FXYD6: variants seen among roughly 807,000 people sequenced by gnomAD.
The protein encoded by FXYD6 is FXYD domain containing ion transport regulator 6, also known as FXYD domain-containing ion transport regulator 6.
FXYD6 carries 7 observed loss-of-function variants against 16.7 expected under a neutral mutation model. The ratio of observed to expected loss-of-function variants is 0.42; its 90% CI spans 0.24 to 0.79. FXYD6 has a LOEUF of 0.79. Ranked by LOEUF, FXYD6 falls within the 30% of genes least tolerant of loss-of-function variation. The pLI is 0.28. For missense variants in FXYD6, 111 were observed against 116.2 expected, an observed-to-expected ratio of 0.95 and a Z score of 0.21; for synonymous variants, 49 against 43.0, an observed-to-expected ratio of 1.14 and a Z score of -0.54.
chr11:117,865,529 A>C (rs145454841), intron 1 of FXYD6, among the ~76,000 whole-genome samples: 2 of 152,358 alleles, frequency 1.3e-5, no homozygotes, highest in Admixed American at 6.5e-5. Flanking sequence ...AATATTATTC[A>C]ACCTTAAAAA....
rs539595302 is a variant in FXYD6, at chr11:117,850,657, A to G, written c.-5-7876T>C. Among the ~76,000 whole-genome samples, 72 of 150,850 alleles carry G rather than the reference A, an allele frequency of 4.8e-4. 2 individuals are homozygous for G. Among genetic ancestry groups the G allele is most frequent in the Non-Finnish European group, 5.9e-4 (40 of 67,600 alleles). On this transcript the variant is annotated intron_variant, in intron 1 of 7. Transcript: ENST00000526014. ...GCCCTTTCTTTTTTCTGGATTAGTT[A>G]TTTTTATTTTTATTTTTTTGGGGGG...
chr11:117,845,358 G>A (rs2056446169), intron 1 of FXYD6, among the ~76,000 whole-genome samples: 1 of 152,154 alleles, frequency 6.6e-6, no homozygotes, highest in Non-Finnish European at 1.5e-5. Flanking sequence ...ATATTCCACT[G>A]TATGGATATT....
At chr11:117,855,844 G>T (rs77452664) in intron 1 of FXYD6, among the ~76,000 whole-genome samples, 9,488 of 152,220 alleles carry the variant, frequency 0.062, 407 homozygotes, top group Middle Eastern at 0.15. Context: ...CTGCTGGAGT[G>T]GGGGACTCCC....
At chr11:117,866,641 C>A (rs1034732340) in intron 1 of FXYD6, among the ~76,000 whole-genome samples, 4 of 152,234 alleles carry the variant, frequency 2.6e-5, no homozygotes, top group Non-Finnish European at 5.9e-5. Context: ...TCAGTCCCAG[C>A]TGAGCTTTGG....
At chr11:117,842,891 A>ACT in intron 1 of FXYD6, 110 bp from the exon 2 acceptor site, 1 of 1,145,232 alleles carries the variant, frequency 8.7e-7, no homozygotes, top group Non-Finnish European at 1.3e-6. Flanking sequence ...TTTGCTCTGC[A>ACT]CTCATGACTT....
At chr11:117,857,767 G>C (rs192164637) in intron 1 of FXYD6, among the ~76,000 whole-genome samples, 53 of 152,236 alleles carry the variant, frequency 3.5e-4, no homozygotes, top group African/African-American at 1.2e-3. Flanking sequence ...AGGAAAATAG[G>C]GGGAGAGTGG....
chr11:117,842,637 C>G (rs2056376349), intron 2 of FXYD6, 82 bp downstream of exon 2: 1 of 1,433,182 alleles, frequency 7.0e-7, no homozygotes, highest in Non-Finnish European at 9.6e-7. Flanking sequence ...CCCTAATGTC[C>G]CAAGGGGCCC....
intron 1 of FXYD6, among the ~76,000 whole-genome samples, chr11:117,863,772 A>T (rs1485224230): frequency 6.6e-6 from 1 of 152,214 alleles, no homozygotes; most frequent in Non-Finnish European, 1.5e-5. Context: ...ATGTAGCAGG[A>T]CACAAGGTCA....
chr11:117,857,889 A>G (rs1156253021), intron 1 of FXYD6, among the ~76,000 whole-genome samples: 1 of 152,174 alleles, frequency 6.6e-6, no homozygotes, highest in Non-Finnish European at 1.5e-5. Flanking sequence ...CCTGCACAAT[A>G]TCAGCCTTAC....
intron 1 of FXYD6, among the ~76,000 whole-genome samples, chr11:117,854,045 C>T (rs188105738): frequency 6.6e-6 from 1 of 152,270 alleles, no homozygotes; most frequent in Admixed American, 6.5e-5. Flanking sequence ...AAAACACCTC[C>T]CTCCCTCCCT....
intron 7 of FXYD6, chr11:117,838,538 T>C: frequency 1.9e-6 from 1 of 515,514 alleles, no homozygotes; most frequent in Non-Finnish European, 3.5e-6. Flanking sequence ...GTCCTGAGCC[T>C]TAGGATAAAA....
At chr11:117,848,957 A>C (rs2056542279) in intron 1 of FXYD6, among the ~76,000 whole-genome samples, 1 of 151,672 alleles carries the variant, frequency 6.6e-6, no homozygotes. Context: ...TATGTTTTAA[A>C]ATTTTCTTAA....
chr11:117,869,956 A>G (rs1164138034), intron 1 of FXYD6, among the ~76,000 whole-genome samples: 2 of 152,124 alleles, frequency 1.3e-5, no homozygotes, highest in Non-Finnish European at 2.9e-5. Flanking sequence ...CTCTGCCCAC[A>G]TCAGATATTC....
At chr11:117,850,925 CAG>C (rs994852864) in intron 1 of FXYD6, among the ~76,000 whole-genome samples, 9 of 151,926 alleles carry the variant, frequency 5.9e-5, no homozygotes, top group Admixed American at 5.2e-4. Flanking sequence ...CAAAAAAATT[CAG>C]AGTTAATACT....
Position 117,838,225 on chromosome 11 carries a change from A to G in FXYD6, c.*74T>C, listed in dbSNP as rs2056244633. The G allele has an allele frequency of 7.1e-6, 5 of 702,570 alleles. No individual in the cohort carries two copies. The East Asian group carries it at 1.3e-4, about 19-fold the overall frequency. 43.5% of individuals were successfully genotyped at this position (702,570 alleles called of 1,614,324 possible). On this transcript the variant is annotated 3_prime_UTR_variant, in exon 8 of 8. Transcript: ENST00000526014. ...TGTTGCTGAAGTGGCCGGTTTTCTT[A>G]AGCATCGACATTTGCATCCAAAGGT...
rs2056380598 is a variant in FXYD6, at chr11:117,842,741, C to T, written c.36G>A (p.Leu12=). The T allele has an allele frequency of 2.5e-6, 4 of 1,569,420 alleles. No homozygotes were observed. Among genetic ancestry groups the T allele is most frequent in the Non-Finnish European group, 2.6e-6 (3 of 1,156,532 alleles). Residue 12 remains leucine (L), a synonymous_variant, in exon 2 of 8, where the codon CTG becomes CTA. Coordinates refer to ENST00000526014, the MANE Select transcript of FXYD6 (RefSeq NM_022003.4). ...TACCACTGGCCAGGACCATGGGGGC[C>T]AGCAGGCTGCAGAGGAAGACCAGCA... is the stretch of plus-strand genomic sequence containing the variant. ...ELVLVFLCSL[L]APMVLASAAE... is the part of the protein sequence containing the mutation.
At chr11:117,858,503 T>C (rs2056788261) in intron 1 of FXYD6, among the ~76,000 whole-genome samples, 1 of 152,030 alleles carries the variant, frequency 6.6e-6, no homozygotes, top group South Asian at 2.1e-4. Flanking sequence ...ACACTCAGCC[T>C]CACACCCCCA....
At chr11:117,857,707 C>G (rs1304632323) in intron 1 of FXYD6, among the ~76,000 whole-genome samples, 1 of 152,070 alleles carries the variant, frequency 6.6e-6, no homozygotes, top group Admixed American at 6.6e-5. Context: ...ACACCCGGCC[C>G]AGGTGGAATA....
chr11:117,851,761 A>G (rs2056614968), intron 1 of FXYD6, among the ~76,000 whole-genome samples: 2 of 152,126 alleles, frequency 1.3e-5, no homozygotes. Context: ...AAATGTTTTC[A>G]TTTCACCTTT....
Sources: gnomAD v4.1 joint callset for allele counts (sites outside exome capture counted in the v4.1 genomes callset) on GRCh38, gnomAD v4.1.1 for gene constraint, MANE v1.5 for transcripts, NCBI Gene and HGNC (gene_info 2026-07-23, HGNC 2026-07-21) for gene names.